PLEKHA2: variants seen among roughly 807,000 people sequenced by gnomAD.
PLEKHA2 encodes pleckstrin homology domain-containing family A member 2.
Under a neutral mutation model 53.2 loss-of-function variants are expected in PLEKHA2, and 28 were observed. The ratio of observed to expected loss-of-function variants is 0.53; its 90% CI spans 0.39 to 0.72. PLEKHA2 has a LOEUF of 0.72. PLEKHA2 is among the 30% of genes least tolerant of loss of function. The pLI is 0.00. For synonymous variants in PLEKHA2, 193 were observed against 196.4 expected (o/e 0.98, Z 0.14); for missense variants, 426 against 537.9 (o/e 0.79, Z 2.06).
At chr8:38,918,130 T>G in intron 2 of PLEKHA2, 60 bp downstream of exon 2, 2 of 1,569,324 alleles carry the variant, frequency 1.3e-6, no homozygotes, top group Non-Finnish European at 1.7e-6. Context: ...GCCAGAGGAA[T>G]GCACACAGGG....
At chr8:38,918,513 A>C (rs1834110043) in intron 2 of PLEKHA2, among the ~76,000 whole-genome samples, 2 of 97,128 alleles carry the variant, frequency 2.1e-5, no homozygotes, top group Non-Finnish European at 2.3e-5. Context: ...CCAGACACAC[A>C]CCATACACAC....
intron 5 of PLEKHA2, among the ~76,000 whole-genome samples, chr8:38,950,208 AT>A (rs1834801804): frequency 6.7e-6 from 1 of 149,486 alleles, no homozygotes; most frequent in African/African-American, 2.5e-5. Context: ...TTTTTTTTTC[AT>A]TTTTAGTAGA....
At chr8:38,917,884 C>T (rs1049896044) in intron 1 of PLEKHA2, 23 bp from the exon 2 acceptor site, 1 of 1,599,392 alleles carries the variant, frequency 6.3e-7, no homozygotes, top group African/African-American at 1.3e-5. Context: ...TCCTTCTCAT[C>T]AGCACCTCCC....
chr8:38,930,576 A>G (rs895430622), intron 2 of PLEKHA2, among the ~76,000 whole-genome samples: 1 of 152,102 alleles, frequency 6.6e-6, no homozygotes, highest in Non-Finnish European at 1.5e-5. Context: ...AAGTCCACCA[A>G]ATGTACAGAC....
intron 10 of PLEKHA2, among the ~76,000 whole-genome samples, chr8:38,967,720 G>A (rs552131713): frequency 4.6e-4 from 69 of 151,066 alleles, no homozygotes; most frequent in African/African-American, 1.6e-3. Flanking sequence ...GGAGTGCAGT[G>A]GTGTGATCTC....
At chr8:38,925,115 A>G (rs1588244397) in intron 2 of PLEKHA2, among the ~76,000 whole-genome samples, 1 of 152,228 alleles carries the variant, frequency 6.6e-6, no homozygotes, top group South Asian at 2.1e-4. Context: ...ACGATGTAAT[A>G]CAGCCAGTCT....
chr8:38,928,180 A>G (rs1834320892), intron 2 of PLEKHA2, among the ~76,000 whole-genome samples: 1 of 149,382 alleles, frequency 6.7e-6, no homozygotes, highest in Non-Finnish European at 1.5e-5. Flanking sequence ...CAGCAGTCAG[A>G]GTTGGGACCC....
At chr8:38,920,372 T>C (rs1834161398) in intron 2 of PLEKHA2, among the ~76,000 whole-genome samples, 1 of 152,056 alleles carries the variant, frequency 6.6e-6, no homozygotes, top group Admixed American at 6.6e-5. Flanking sequence ...GCCAGGATGG[T>C]CTCAAGCTCC....
chr8:38,967,389 G>C (rs1835160230), intron 10 of PLEKHA2, among the ~76,000 whole-genome samples: 3 of 152,200 alleles, frequency 2.0e-5, no homozygotes, highest in Non-Finnish European at 4.4e-5. Context: ...TTGCTGACCT[G>C]AATGGTAGTT....
intron 3 of PLEKHA2, among the ~76,000 whole-genome samples, chr8:38,941,671 G>C (rs1291264036): frequency 6.6e-6 from 1 of 152,176 alleles, no homozygotes; most frequent in Non-Finnish European, 1.5e-5. Flanking sequence ...TAAAGGAAAT[G>C]AGGTATCAAA....
At chr8:38,950,626 G>A (rs553376285) in intron 5 of PLEKHA2, 24 of 418,834 alleles carry the variant, frequency 5.7e-5, no homozygotes, top group South Asian at 2.6e-4. Flanking sequence ...ATAAGTAGGC[G>A]CTCAAGAAAT....
intron 2 of PLEKHA2, among the ~76,000 whole-genome samples, chr8:38,921,052 C>T (rs1364945856): frequency 1.3e-5 from 2 of 151,186 alleles, no homozygotes; most frequent in Admixed American, 6.6e-5. Flanking sequence ...CCACCGGCCT[C>T]GGCCTCCCAA....
intron 1 of PLEKHA2, among the ~76,000 whole-genome samples, chr8:38,912,708 T>C (rs1410902879): frequency 6.6e-6 from 1 of 152,226 alleles, no homozygotes; most frequent in African/African-American, 2.4e-5. Flanking sequence ...GGGATCAGAA[T>C]GAACCATCAG....
intron 2 of PLEKHA2, among the ~76,000 whole-genome samples, chr8:38,930,874 T>C (rs1336342502): frequency 1.3e-5 from 2 of 152,216 alleles, no homozygotes; most frequent in Admixed American, 1.3e-4. Flanking sequence ...ACCTCCAACC[T>C]GGAAGCACAT....
intron 10 of PLEKHA2, 28 bp downstream of exon 10, chr8:38,957,414 A>G (rs1564152001): frequency 5.7e-6 from 9 of 1,580,432 alleles, no homozygotes; most frequent in Non-Finnish European, 7.8e-6. Context: ...AGAAGACTCC[A>G]GCATTCTGTT....
intron 3 of PLEKHA2, among the ~76,000 whole-genome samples, chr8:38,943,485 C>T (rs756025984): frequency 2.0e-5 from 3 of 151,838 alleles, no homozygotes; most frequent in Non-Finnish European, 4.4e-5. Flanking sequence ...GACCCTATAT[C>T]TAAATAAATA....
intron 2 of PLEKHA2, among the ~76,000 whole-genome samples, chr8:38,927,955 G>A (rs148337140): frequency 1.3e-5 from 2 of 152,016 alleles, no homozygotes; most frequent in Non-Finnish European, 2.9e-5. Flanking sequence ...AGAGTGGGGG[G>A]GCAGGTTTAG....
intron 1 of PLEKHA2, among the ~76,000 whole-genome samples, chr8:38,909,482 A>C (rs1449894001): frequency 6.6e-6 from 1 of 152,060 alleles, no homozygotes; most frequent in African/African-American, 2.4e-5. Flanking sequence ...TCTGTGTCCC[A>C]TCTGGGCTAT....
At chr8:38,942,655 C>G (rs1834633234) in intron 3 of PLEKHA2, among the ~76,000 whole-genome samples, 1 of 152,182 alleles carries the variant, frequency 6.6e-6, no homozygotes, top group Non-Finnish European at 1.5e-5. Flanking sequence ...GGTGGAGGCT[C>G]ACTCCAGGGA....
Sources: gnomAD v4.1 joint callset for allele counts (sites outside exome capture counted in the v4.1 genomes callset) on GRCh38, gnomAD v4.1.1 for gene constraint, MANE v1.5 for transcripts, NCBI Gene and HGNC (gene_info 2026-07-23, HGNC 2026-07-21) for gene names.